DLG2: variants seen among roughly 807,000 people sequenced by gnomAD.
The protein encoded by DLG2 is discs large MAGUK scaffold protein 2.
In DLG2, 45 loss-of-function variants were observed where a neutral mutation model predicts 132.5. That is an observed-to-expected ratio of 0.34 (90% CI 0.27 to 0.44). DLG2 has a LOEUF of 0.44. DLG2 is among the 20% of genes least tolerant of loss of function. The probability of loss-of-function intolerance (pLI) is 1.00; values close to 1 mark genes in which losing one functional copy is unlikely to be tolerated. For synonymous variants in DLG2, 424 were observed against 419.6 expected, an observed-to-expected ratio of 1.01 and a Z score of -0.13; for missense variants, 1,045 against 1,196.9, an observed-to-expected ratio of 0.87 and a Z score of 1.87.
intron 9 of DLG2, among the ~76,000 whole-genome samples, chr11:84,157,121 G>A (rs895541264): frequency 1.3e-5 from 2 of 152,012 alleles, no homozygotes; most frequent in African/African-American, 2.4e-5. Context: ...TAGAATTTCA[G>A]TTTTTATATA....
At chr11:84,130,693 G>A (rs2094387925) in intron 9 of DLG2, among the ~76,000 whole-genome samples, 1 of 151,684 alleles carries the variant, frequency 6.6e-6, no homozygotes, top group African/African-American at 2.4e-5. Flanking sequence ...TGTCCAACTT[G>A]TGACCTAAAT....
At chr11:85,489,543 A>C (rs1004230964) in intron 3 of DLG2, among the ~76,000 whole-genome samples, 2 of 152,172 alleles carry the variant, frequency 1.3e-5, no homozygotes, top group Non-Finnish European at 1.5e-5. Context: ...CCGAAATTGG[A>C]CTTTACACAA....
chr11:84,932,674 T>C (rs1034167554), intron 6 of DLG2, among the ~76,000 whole-genome samples: 1 of 152,208 alleles, frequency 6.6e-6, no homozygotes, highest in East Asian at 1.9e-4. Flanking sequence ...TCCACATCCC[T>C]GTGAAACACA....
chr11:84,659,277 G>T (rs2099691887), intron 6 of DLG2, among the ~76,000 whole-genome samples: 1 of 152,046 alleles, frequency 6.6e-6, no homozygotes, highest in East Asian at 1.9e-4. Context: ...TTGAAGTCCT[G>T]TCTGTCCCTG....
chr11:85,530,794 A>T (rs1468615783), intron 3 of DLG2, among the ~76,000 whole-genome samples: 2 of 152,248 alleles, frequency 1.3e-5, no homozygotes, highest in Non-Finnish European at 2.9e-5. Flanking sequence ...TGCCAAGATC[A>T]GCTTCCTGAG....
At chr11:85,075,613 CAT>C (rs1448755949) in intron 6 of DLG2, among the ~76,000 whole-genome samples, 2 of 151,852 alleles carry the variant, frequency 1.3e-5, no homozygotes, top group South Asian at 2.1e-4. Context: ...CTCACATACA[CAT>C]ATACTCACAT....
chr11:84,850,879 G>T (rs1310196555), intron 6 of DLG2, among the ~76,000 whole-genome samples: 3 of 151,978 alleles, frequency 2.0e-5, no homozygotes, highest in Middle Eastern at 3.4e-3. Context: ...AAATATCATT[G>T]AAAAAATAAA....
chr11:83,739,747 C>A (rs534484188), intron 18 of DLG2, among the ~76,000 whole-genome samples: 1 of 152,184 alleles, frequency 6.6e-6, no homozygotes, highest in South Asian at 2.1e-4. Flanking sequence ...CACAGGAAGA[C>A]TGAAAGGTAG....
intron 6 of DLG2, among the ~76,000 whole-genome samples, chr11:84,542,263 C>T (rs1037067182): frequency 5.9e-5 from 9 of 152,106 alleles, no homozygotes; most frequent in African/African-American, 9.7e-5. Context: ...TATCCATGAA[C>T]GCTTTGCTAA....
At chr11:83,578,927 G>C (rs1403492453) in intron 19 of DLG2, among the ~76,000 whole-genome samples, 1 of 152,202 alleles carries the variant, frequency 6.6e-6, no homozygotes, top group African/African-American at 2.4e-5. Context: ...CACAGACAGT[G>C]AGTGATAGAA....
intron 3 of DLG2, among the ~76,000 whole-genome samples, chr11:85,399,450 C>G (rs1446080511): frequency 6.6e-6 from 1 of 152,024 alleles, no homozygotes; most frequent in African/African-American, 2.4e-5. Flanking sequence ...CATATGGAAC[C>G]AAAAAAGAGC....
At chr11:83,720,721 C>T (rs2088269056) in intron 18 of DLG2, 1 of 150,634 alleles carries the variant, frequency 6.6e-6, no homozygotes, top group Non-Finnish European at 1.5e-5. Context: ...ATCTTTGACT[C>T]CCTTCTTCAG....
At chr11:83,554,125 C>G (rs1490777058) in intron 19 of DLG2, among the ~76,000 whole-genome samples, 1 of 152,014 alleles carries the variant, frequency 6.6e-6, no homozygotes, top group Non-Finnish European at 1.5e-5. Flanking sequence ...TTCAAGCAAT[C>G]CTCCTGCCTT....
chr11:83,926,722 T>C (rs907219398), intron 15 of DLG2, among the ~76,000 whole-genome samples: 1 of 151,902 alleles, frequency 6.6e-6, no homozygotes, highest in African/African-American at 2.4e-5. Flanking sequence ...TGGATAAGGG[T>C]TTTTCTATCT....
At chr11:84,244,133 T>C (rs1444889375) in intron 8 of DLG2, among the ~76,000 whole-genome samples, 1 of 152,150 alleles carries the variant, frequency 6.6e-6, no homozygotes, top group African/African-American at 2.4e-5. Context: ...TGGCAACTTA[T>C]TAGAAATGCA....
At chr11:85,222,974 T>C (rs891629804) in intron 4 of DLG2, among the ~76,000 whole-genome samples, 1 of 152,118 alleles carries the variant, frequency 6.6e-6, no homozygotes, top group African/African-American at 2.4e-5. Context: ...CATTTCAGAT[T>C]TCTCAGTGCT....
At chr11:84,275,274 T>C (rs1347899327) in intron 7 of DLG2, among the ~76,000 whole-genome samples, 2 of 152,228 alleles carry the variant, frequency 1.3e-5, no homozygotes, top group Non-Finnish European at 2.9e-5. Context: ...GGAAACAGTT[T>C]TAAAAACTGC....
chr11:85,617,020 C>T (rs1287709874), intron 2 of DLG2, among the ~76,000 whole-genome samples: 1 of 152,112 alleles, frequency 6.6e-6, no homozygotes, highest in Non-Finnish European at 1.5e-5. Flanking sequence ...CACCTTAACC[C>T]CAGGGAAGTG....
intron 18 of DLG2, among the ~76,000 whole-genome samples, chr11:83,722,763 T>C (rs2088975741): frequency 6.6e-6 from 1 of 152,122 alleles, no homozygotes; most frequent in African/African-American, 2.4e-5. Flanking sequence ...TACAAAATGT[T>C]TGGATGCAAG....
Sources: gnomAD v4.1 joint callset for allele counts (sites outside exome capture counted in the v4.1 genomes callset) on GRCh38, gnomAD v4.1.1 for gene constraint, MANE v1.5 for transcripts, NCBI Gene and HGNC (gene_info 2026-07-23, HGNC 2026-07-21) for gene names.